Variants in KRT86 observed in about 807,000 individuals in gnomAD.
KRT86 encodes the protein keratin, type II cuticular Hb6.
KRT86 carries 30 observed loss-of-function variants against 41.2 expected under a neutral mutation model. That is an observed-to-expected ratio of 0.73 (90% CI 0.54 to 0.99). The LOEUF is 0.99. Ranked by LOEUF, KRT86 falls within the 50% of genes least tolerant of loss-of-function variation. KRT86 has a pLI of 0.00. For missense variants in KRT86, 561 were observed against 571.4 expected (o/e 0.98, Z 0.19); for synonymous variants, 238 against 238.1 (o/e 1.00, Z 0.00).
At chr12:52,283,392 C>CAAAAAAAA (rs1169224117) in intron 2 of KRT86, among the ~76,000 whole-genome samples, 54 of 39,472 alleles carry the variant, frequency 1.4e-3, no homozygotes, top group Admixed American at 1.7e-3. Context: ...AACTGTCTCA[C>CAAAAAAAA]AAAAAAAAAA....
chr12:52,295,331 C>G (rs1938222988), intron 2 of KRT86, among the ~76,000 whole-genome samples: 1 of 152,056 alleles, frequency 6.6e-6, no homozygotes, highest in African/African-American at 2.4e-5. Context: ...TAGATGAGGA[C>G]ACTGAGGTCT....
intron 9 of KRT86, chr12:52,306,525 A>T (rs2121315963): frequency 3.1e-6 from 2 of 649,482 alleles, no homozygotes; most frequent in East Asian, 5.6e-5. Context: ...GGCAGCAGGT[A>T]TTCCTGTTAC....
At chr12:52,287,517 T>G in intron 2 of KRT86, 1 of 1,612,910 alleles carries the variant, frequency 6.2e-7, no homozygotes, top group Non-Finnish European at 8.5e-7. Context: ...AATGCTGAGA[T>G]CCAGGTAGGG....
At chr12:52,278,438 G>GT (rs10684723) in intron 2 of KRT86, among the ~76,000 whole-genome samples, 11,858 of 127,964 alleles carry the variant, frequency 0.093, 1,646 homozygotes, top group African/African-American at 0.29. Context: ...AGAAAGTGTA[G>GT]TTTTTTTTTT....
chr12:52,291,562 T>C (rs1938126893), intron 2 of KRT86: 1 of 1,537,474 alleles, frequency 6.5e-7, no homozygotes, highest in African/African-American at 1.4e-5. Flanking sequence ...CAGCCCTATT[T>C]ATGCGCAGAT....
chr12:52,287,091 G>A (rs934290936), intron 2 of KRT86: 1 of 1,612,766 alleles, frequency 6.2e-7, no homozygotes. Context: ...GCCACCCTTG[G>A]TTGGACCCAC....
chr12:52,300,730 T>TCAGGGGATGATGG (rs1938353594), intron 2 of KRT86, among the ~76,000 whole-genome samples: 1 of 152,224 alleles, frequency 6.6e-6, no homozygotes, highest in Non-Finnish European at 1.5e-5. Context: ...CAGCAGGGAC[T>TCAGGGGATGATGG]CAGGGGATGA....
chr12:52,293,450 G>A (rs1032465611), intron 2 of KRT86, among the ~76,000 whole-genome samples: 1 of 152,190 alleles, frequency 6.6e-6, no homozygotes, highest in African/African-American at 2.4e-5. Context: ...AAGTTCAAGA[G>A]GGTAGTGAAA....
intron 2 of KRT86, among the ~76,000 whole-genome samples, chr12:52,301,640 T>C (rs1938378032): frequency 6.6e-6 from 1 of 152,032 alleles, no homozygotes; most frequent in Non-Finnish European, 1.5e-5. Context: ...GGACGTGAGT[T>C]GGTCCTTTGA....
chr12:52,305,820 A>C, intron 8 of KRT86, 32 bp downstream of exon 8: 3 of 1,613,886 alleles, frequency 1.9e-6, no homozygotes, highest in Non-Finnish European at 2.5e-6. Context: ...GGTCAGAGAG[A>C]CCGAGGGTCT....
intron 2 of KRT86, chr12:52,291,632 T>G (rs1592428313): frequency 2.8e-6 from 3 of 1,090,514 alleles, no homozygotes; most frequent in South Asian, 3.1e-5. Flanking sequence ...TGGGCTTGGG[T>G]GGTTAGCCGG....
intron 2 of KRT86, among the ~76,000 whole-genome samples, chr12:52,293,387 T>C (rs1013521598): frequency 3.3e-5 from 5 of 152,230 alleles, no homozygotes; most frequent in African/African-American, 7.2e-5. Flanking sequence ...AGGAGTTGCA[T>C]TGCCTTCTCA....
chr12:52,286,794 C>T lies in KRT86; in HGVS notation c.-5+10848C>T, dbSNP rs748130319. Reference sequence around the variant, plus strand: ...ACACTGGACCCCAAATACTCACAGACATTCACAGCCCCAATGCCTTCACAT... The same window carrying T: ...ACACTGGACCCCAAATACTCACAGATATTCACAGCCCCAATGCCTTCACAT... On this transcript the variant is annotated intron_variant, in intron 2 of 10. Transcript: ENST00000423955. The T allele has an allele frequency of 8.7e-6, 14 of 1,614,058 alleles. 1 individual carries two copies. The South Asian group carries it at 1.5e-4, about 18-fold the overall frequency.
intron 2 of KRT86, chr12:52,286,471 C>A: frequency 6.4e-7 from 1 of 1,552,438 alleles, no homozygotes; most frequent in Admixed American, 1.9e-5. Context: ...CGCACACGAC[C>A]CCGCCCCGGG....
chr12:52,284,362 T>C (rs1937856943), intron 2 of KRT86, among the ~76,000 whole-genome samples: 1 of 152,150 alleles, frequency 6.6e-6, no homozygotes, highest in Non-Finnish European at 1.5e-5. Flanking sequence ...GCTAATATTT[T>C]TATATTTTAT....
Position 52,308,555 on chromosome 12 carries a change from C to A in KRT86, c.1431C>A (p.Gly477=), listed in dbSNP as rs755171534. The change falls in exon 11 of 11, where the codon GGC becomes GGA. Residue 477 remains glycine (G), a synonymous_variant. Coordinates refer to ENST00000423955, the MANE Select transcript of KRT86 (RefSeq NM_001320198.2). ...TNACAPSARV[G]VCGGSCKRC ...CCTGCGCCCCCTCCGCCCGGGTTGG[C>A]GTCTGCGGCGGCAGCTGTAAGAGGT... is the stretch of plus-strand genomic sequence containing the variant. The A allele has an allele frequency of 1.6e-5, 26 of 1,599,740 alleles. 1 individual carries two copies. The East Asian group carries it at 2.7e-4, about 16-fold the overall frequency.
At position 52,288,583 on chromosome 12, in the gene KRT86, C is replaced by T. The variant is rs918541259; in HGVS notation, c.-5+12637C>T. ...CTGGTGTCCCATTCCCATGCCTTTCCTCCCCTTCTGCCCTTCCTGGGATGA... is the reference window on the plus strand; with the variant it reads ...CTGGTGTCCCATTCCCATGCCTTTCTTCCCCTTCTGCCCTTCCTGGGATGA... On this transcript the variant is annotated intron_variant, in intron 2 of 10. Transcript: ENST00000423955. The T allele has an allele frequency of 1.4e-5, 16 of 1,149,210 alleles. No individual in the cohort carries two copies. The African/African-American group carries it at 2.3e-4, about 16-fold the overall frequency. 71.2% of individuals were successfully genotyped at this position (1,149,210 alleles called of 1,614,324 possible).
chr12:52,283,012 C>T (rs1024853328), intron 2 of KRT86, among the ~76,000 whole-genome samples: 6 of 152,188 alleles, frequency 3.9e-5, no homozygotes, highest in Admixed American at 3.9e-4. Flanking sequence ...AATGAATATA[C>T]AAACAACATG....
intron 2 of KRT86, chr12:52,288,395 T>C: frequency 2.5e-6 from 4 of 1,614,144 alleles, no homozygotes; most frequent in Non-Finnish European, 3.4e-6. Flanking sequence ...GTCGATCTCC[T>C]GGATCAGGGC....
Sources: allele counts gnomAD v4.1 joint callset (sites outside exome capture counted in the v4.1 genomes callset), GRCh38; gene constraint gnomAD v4.1.1; transcripts MANE v1.5; gene names NCBI Gene and HGNC (gene_info 2026-07-23, HGNC 2026-07-21).